POU6F2: variants seen among roughly 807,000 people sequenced by gnomAD.
POU6F2 encodes the protein POU domain, class 6, transcription factor 2.
Under a neutral mutation model 71.3 loss-of-function variants are expected in POU6F2, and 31 were observed. The ratio of observed to expected loss-of-function variants is 0.43; its 90% confidence interval spans 0.33 to 0.59. The LOEUF (loss-of-function observed/expected upper bound fraction) is 0.59. Ranked by LOEUF, POU6F2 falls within the 20% of genes least tolerant of loss-of-function variation. The probability of loss-of-function intolerance (pLI) is 0.04; values close to 1 mark genes in which losing one functional copy is unlikely to be tolerated. For missense variants in POU6F2, 783 were observed against 856.8 expected (o/e 0.91, Z 1.07); for synonymous variants, 347 against 355.7 (o/e 0.98, Z 0.27).
intron 7 of POU6F2, among the ~76,000 whole-genome samples, chr7:39,444,008 G>A (rs2116084048): frequency 6.6e-6 from 1 of 152,278 alleles, no homozygotes; most frequent in East Asian, 1.9e-4. Flanking sequence ...CAGACCAGAT[G>A]ACCTGGAATG....
chr7:39,260,400 A>G (rs557598788), intron 4 of POU6F2, among the ~76,000 whole-genome samples: 22 of 151,502 alleles, frequency 1.5e-4, no homozygotes, highest in Non-Finnish European at 3.1e-4. Context: ...CACCACACAC[A>G]CAGACACCAC....
At chr7:39,425,549 C>T (rs1787949832) in intron 6 of POU6F2, among the ~76,000 whole-genome samples, 2 of 152,160 alleles carry the variant, frequency 1.3e-5, no homozygotes, top group Admixed American at 1.3e-4. Flanking sequence ...GCAACTAATG[C>T]ATTCGAATAG....
intron 2 of POU6F2, among the ~76,000 whole-genome samples, chr7:39,154,965 C>G (rs937988153): frequency 1.1e-4 from 16 of 152,026 alleles, no homozygotes; most frequent in Admixed American, 1.0e-3. Flanking sequence ...GGTTGTAGGA[C>G]AGTTGGAAAT....
At chr7:39,253,640 A>G (rs2128753169) in intron 4 of POU6F2, among the ~76,000 whole-genome samples, 1 of 152,272 alleles carries the variant, frequency 6.6e-6, no homozygotes, top group Admixed American at 6.5e-5. Context: ...AGGTCACAAT[A>G]TTGAGAAGCT....
chr7:39,011,678 T>C (rs1789289450), intron 1 of POU6F2, among the ~76,000 whole-genome samples: 1 of 150,948 alleles, frequency 6.6e-6, no homozygotes, highest in Non-Finnish European at 1.5e-5. Flanking sequence ...TTCCTTTCCA[T>C]GTTTAGTGCT....
At chr7:39,244,162 AC>A (rs1783777275) in intron 4 of POU6F2, among the ~76,000 whole-genome samples, 1 of 151,162 alleles carries the variant, frequency 6.6e-6, no homozygotes, top group Admixed American at 6.6e-5. Context: ...TATAAAAAAA[AC>A]ATTTTTGTCA....
At position 39,094,499 on chromosome 7, in the gene POU6F2, A is replaced by G. The variant is rs1019243143; in HGVS notation, c.277+8468A>G. The stretch of plus-strand genomic sequence containing the variant: ...ATTCCTGTAAGGATTATATGCGCCT[A>G]TATATCAAGGTAGAGTGAGTGATTG... On this transcript the variant is annotated intron_variant, in intron 2 of 9. Coordinates refer to ENST00000518318, the MANE Select transcript of POU6F2 (RefSeq NM_001370959.1). Among the ~76,000 whole-genome samples, 22 of 152,106 alleles carry G rather than the reference A, an allele frequency of 1.4e-4. 1 individual carries two copies. The highest frequency in any genetic ancestry group is 3.9e-4 in the African/African-American group (16 of 41,430).
intron 1 of POU6F2, among the ~76,000 whole-genome samples, chr7:39,001,053 G>A (rs372042335): frequency 1.3e-5 from 2 of 152,276 alleles, no homozygotes; most frequent in East Asian, 1.9e-4. Context: ...TTCATATTGG[G>A]AAGATGAGAG....
At chr7:39,166,741 G>A (rs1340151449) in intron 2 of POU6F2, among the ~76,000 whole-genome samples, 1 of 152,088 alleles carries the variant, frequency 6.6e-6, no homozygotes. Flanking sequence ...TCCAACTGCT[G>A]AGCCTACCTG....
At chr7:39,308,765 C>T (rs980200704) in intron 4 of POU6F2, among the ~76,000 whole-genome samples, 3 of 152,160 alleles carry the variant, frequency 2.0e-5, no homozygotes, top group African/African-American at 4.8e-5. Context: ...GGCTGAGGCA[C>T]GGCAGGAAGT....
chr7:39,087,348 G>A (rs1791275289), intron 2 of POU6F2, among the ~76,000 whole-genome samples: 1 of 151,630 alleles, frequency 6.6e-6, no homozygotes, highest in Non-Finnish European at 1.5e-5. Flanking sequence ...ATCTTCTCTG[G>A]GTACAATACT....
At chr7:39,191,794 C>T (rs1385976955) in intron 2 of POU6F2, among the ~76,000 whole-genome samples, 1 of 152,146 alleles carries the variant, frequency 6.6e-6, no homozygotes, top group Non-Finnish European at 1.5e-5. Context: ...AAGTTAATAG[C>T]ATCTTTTAGC....
intron 1 of POU6F2, among the ~76,000 whole-genome samples, chr7:39,019,218 T>G (rs180699993): frequency 3.9e-5 from 6 of 152,284 alleles, no homozygotes; most frequent in Admixed American, 3.9e-4. Flanking sequence ...TAGCTAGAAT[T>G]TTAAGTTCAA....
At chr7:39,056,104 T>A (rs896584112) in intron 1 of POU6F2, among the ~76,000 whole-genome samples, 8 of 152,074 alleles carry the variant, frequency 5.3e-5, no homozygotes, top group African/African-American at 1.4e-4. Context: ...TTTTCAGCAA[T>A]TTTTATTTTC....
chr7:39,231,783 C>A (rs1187938552), intron 4 of POU6F2, among the ~76,000 whole-genome samples: 1 of 123,438 alleles, frequency 8.1e-6, no homozygotes, highest in Non-Finnish European at 1.9e-5. Context: ...ACTGTGTGCG[C>A]CCCACTGGCC....
intron 1 of POU6F2, among the ~76,000 whole-genome samples, chr7:39,048,616 G>A (rs117232288): frequency 0.038 from 5,841 of 151,788 alleles, 152 homozygotes; most frequent in Middle Eastern, 0.078. Context: ...ATTCCATATC[G>A]TTGTTATTGT....
chr7:39,007,287 A>G (rs1295927634), intron 1 of POU6F2, among the ~76,000 whole-genome samples: 1 of 152,244 alleles, frequency 6.6e-6, no homozygotes, highest in Non-Finnish European at 1.5e-5. Flanking sequence ...ATTTTTGAGT[A>G]TTACTTGACA....
At chr7:39,268,435 C>T (rs567426990) in intron 4 of POU6F2, among the ~76,000 whole-genome samples, 18 of 152,070 alleles carry the variant, frequency 1.2e-4, no homozygotes, top group Middle Eastern at 3.4e-3. Flanking sequence ...AGTACTGAGG[C>T]GGAAGGTGCT....
At chr7:39,115,352 AT>A (rs1791907383) in intron 2 of POU6F2, among the ~76,000 whole-genome samples, 1 of 151,828 alleles carries the variant, frequency 6.6e-6, no homozygotes, top group Non-Finnish European at 1.5e-5. Context: ...TTATTTATTT[AT>A]TTTAGGTACC....
Sources: allele counts gnomAD v4.1 joint callset (sites outside exome capture counted in the v4.1 genomes callset), GRCh38; gene constraint gnomAD v4.1.1; transcripts MANE v1.5; gene names NCBI Gene and HGNC (gene_info 2026-07-23, HGNC 2026-07-21).